The following ZDHHC15 variants were observed in gnomAD, a reference collection of about 807,000 sequenced individuals.
ZDHHC15 encodes the protein palmitoyltransferase ZDHHC15.
ZDHHC15 carries 19 observed loss-of-function variants against 31.7 expected under a neutral mutation model. The observed-to-expected ratio is 0.60, with a 90% CI of 0.42 to 0.88. The LOEUF (loss-of-function observed/expected upper bound fraction) is 0.88, where lower values mean the gene tolerates loss of function less well. Ranked by LOEUF, ZDHHC15 falls within the 40% of genes least tolerant of loss-of-function variation. The pLI, the probability that ZDHHC15 is intolerant of heterozygous loss-of-function variation, is 0.00. For missense variants in ZDHHC15, 209 were observed against 251.2 expected, an observed-to-expected ratio of 0.83 and a Z score of 1.14; for synonymous variants, 103 against 90.0, an observed-to-expected ratio of 1.14 and a Z score of -0.82.
intron 3 of ZDHHC15, among the ~76,000 whole-genome samples, chrX:75,457,268 A>C (rs2084238272): frequency 9.0e-6 from 1 of 110,514 alleles, no homozygotes; most frequent in African/African-American, 3.3e-5. Flanking sequence ...TCATGAGTTT[A>C]TTGGCCATTT....
At chrX:75,494,047 C>T (rs918902963) in intron 2 of ZDHHC15, among the ~76,000 whole-genome samples, 3 of 111,308 alleles carry the variant, frequency 2.7e-5, no homozygotes, top group Non-Finnish European at 3.8e-5. Flanking sequence ...TCATCTCAGG[C>T]CAAAATCTCC....
chrX:75,511,746 C>G (rs1369942250), intron 1 of ZDHHC15, among the ~76,000 whole-genome samples: 2 of 89,827 alleles, frequency 2.2e-5, no homozygotes, highest in African/African-American at 8.3e-5. Context: ...GAAACTATTC[C>G]AATCAATAGA....
At chrX:75,465,811 A>G (rs919794569) in intron 3 of ZDHHC15, among the ~76,000 whole-genome samples, 1 of 111,952 alleles carries the variant, frequency 8.9e-6, no homozygotes, top group Non-Finnish European at 1.9e-5. Context: ...GATGGATTAA[A>G]AGACTTAAGT....
intron 3 of ZDHHC15, among the ~76,000 whole-genome samples, chrX:75,473,559 T>C (rs973179003): frequency 9.0e-6 from 1 of 111,176 alleles, no homozygotes; most frequent in African/African-American, 3.3e-5. Flanking sequence ...CTCCTACCTT[T>C]AAGTCAACAA....
intron 10 of ZDHHC15, chrX:75,384,879 G>A (rs2083163664): frequency 2.0e-6 from 1 of 503,631 alleles, no homozygotes; most frequent in African/African-American, 2.4e-5. Context: ...AAAAAAGATG[G>A]TAAATAATTG....
intron 1 of ZDHHC15, among the ~76,000 whole-genome samples, chrX:75,510,008 G>A (rs1249789603): frequency 9.0e-6 from 1 of 111,396 alleles, no homozygotes. Context: ...GGTTAGGAGA[G>A]GGTAGAGTTT....
Position 75,368,741 on chromosome X carries a change from A to G in ZDHHC15, c.*4237T>C, listed in dbSNP as rs893009353. The G allele has an allele frequency of 2.7e-5, 3 of 111,130 alleles. No individual in the cohort carries two copies. Among genetic ancestry groups the G allele is most frequent in the East Asian group, 5.6e-4 (2 of 3,546 alleles). The allele number at this position is 111,130 out of a possible 1,213,427, so 9.2% of individuals were successfully genotyped here. On this transcript the variant is annotated 3_prime_UTR_variant, in exon 12 of 12. Transcript: ENST00000373367. ...TCTTATCTAATTTTTTTTTCCTTTA[A>G]TGCCATTCCCTACTAACAATCTATT...
rs182379212 is a variant in ZDHHC15, at chrX:75,370,407, A to G, written c.*2571T>C. 4.6e-4 allele frequency: 51 copies of G among 111,505 alleles called. No individual in the cohort carries two copies. The highest frequency in any genetic ancestry group is 1.5e-3 in the African/African-American group (45 of 30,688). The allele number at this position is 111,505 out of a possible 1,213,427, so 9.2% of individuals were successfully genotyped here. On this transcript the variant is annotated 3_prime_UTR_variant, in exon 12 of 12. Coordinates refer to ENST00000373367, the MANE Select transcript of ZDHHC15 (RefSeq NM_144969.3). ...CCTATGTACATTAGTCAATACTCAA[A>G]TGATCCATGGATAGGGATATTATCA...
At chrX:75,421,686 A>C (rs1225673740) in intron 9 of ZDHHC15, among the ~76,000 whole-genome samples, 178 bp downstream of exon 9, 1 of 105,648 alleles carries the variant, frequency 9.5e-6, no homozygotes, top group Non-Finnish European at 1.9e-5. Context: ...AAGCATGAGA[A>C]TATCTATTTT....
rs954917330 is a variant in ZDHHC15, at chrX:75,370,973, C to A, written c.*2005G>T. 4.5e-5 allele frequency: 5 copies of A among 111,748 alleles called. 1 individual carries two copies. The highest frequency in any genetic ancestry group is 1.6e-4 in the African/African-American group (5 of 30,723). 9.2% of individuals were successfully genotyped at this position (111,748 alleles called of 1,213,427 possible). On this transcript the variant is annotated 3_prime_UTR_variant, in exon 12 of 12. Transcript: ENST00000373367. ...TTTTGTGACTTGACTTCTGTGGGAGCTGAGTGCTGATACACCCTATGCATC... is the reference window on the plus strand; with the variant it reads ...TTTTGTGACTTGACTTCTGTGGGAGATGAGTGCTGATACACCCTATGCATC...
In ZDHHC15 at chrX:75,372,230, T is replaced by A. The variant is rs1338497387; in HGVS notation, c.*748A>T. ...CTTTAAAAAACACTGGTTATTATGT[T>A]CAATAAAGTTTATGTCCTGAATTTG... On this transcript the variant is annotated 3_prime_UTR_variant, in exon 12 of 12. Transcript: ENST00000373367. 8.9e-6 allele frequency: 1 copy of A among 112,166 alleles called. No homozygotes were observed. Among genetic ancestry groups the A allele is most frequent in the Non-Finnish European group, 1.9e-5 (1 of 53,227 alleles). 9.2% of individuals were successfully genotyped at this position (112,166 alleles called of 1,213,427 possible).
intron 2 of ZDHHC15, among the ~76,000 whole-genome samples, chrX:75,492,968 C>T (rs1289391189): frequency 5.4e-5 from 6 of 111,496 alleles, no homozygotes; most frequent in Non-Finnish European, 1.1e-4. Context: ...ACAAAAAAAT[C>T]CTTCAAAAAA....
chrX:75,463,583 C>CAACAACAACAACAACAACAACAAA, intron 3 of ZDHHC15, among the ~76,000 whole-genome samples: 1 of 109,522 alleles, frequency 9.1e-6, no homozygotes, highest in East Asian at 2.9e-4. Context: ...TTTACAACAA[C>CAACAACAACAACAACAACAACAAA]AACAACAACA....
chrX:75,450,672 G>A, intron 4 of ZDHHC15, 130 bp downstream of exon 4: 1 of 1,175,991 alleles, frequency 8.5e-7, no homozygotes, highest in Non-Finnish European at 1.1e-6. Flanking sequence ...AATAAAATGT[G>A]GAGAAAAATC....
intron 2 of ZDHHC15, among the ~76,000 whole-genome samples, chrX:75,500,281 A>C (rs1362547319): frequency 9.1e-6 from 1 of 109,754 alleles, no homozygotes; most frequent in East Asian, 2.8e-4. Context: ...AATAATAATA[A>C]TAATAATAAA....
At chrX:75,518,985 C>T (rs947118728) in intron 1 of ZDHHC15, among the ~76,000 whole-genome samples, 26 of 107,949 alleles carry the variant, frequency 2.4e-4, no homozygotes, top group Admixed American at 1.4e-3. Context: ...TTATATGGAA[C>T]ATCCATAATA....
intron 4 of ZDHHC15, among the ~76,000 whole-genome samples, chrX:75,448,529 G>GT (rs1182798869): frequency 1.8e-5 from 2 of 111,392 alleles, no homozygotes; most frequent in African/African-American, 6.5e-5. Context: ...ACTTTACATC[G>GT]TAACATTTAA....
chrX:75,381,018 C>T (rs753596199), intron 10 of ZDHHC15, among the ~76,000 whole-genome samples: 11 of 111,458 alleles, frequency 9.9e-5, no homozygotes, highest in South Asian at 3.8e-4. Flanking sequence ...AAGAACAGAG[C>T]AAATGACACA....
Position 75,508,923 on chromosome X carries a change from C to T in ZDHHC15, c.137-3076G>A, listed in dbSNP as rs762984699. Among the ~76,000 whole-genome samples, 122 of 110,487 alleles carry T rather than the reference C, an allele frequency of 1.1e-3. 1 individual carries two copies. The highest frequency in any genetic ancestry group is 1.9e-3 in the Non-Finnish European group (99 of 52,196). On this transcript the variant is annotated intron_variant, in intron 1 of 11. Coordinates refer to ENST00000373367, the MANE Select transcript of ZDHHC15 (RefSeq NM_144969.3). ...TGATGATGAGCATTTTTTCATGTGT[C>T]TTTTGGCTGCATAAATGTCTTCTTT...
Sources: allele counts gnomAD v4.1 joint callset (sites outside exome capture counted in the v4.1 genomes callset), GRCh38; gene constraint gnomAD v4.1.1; transcripts MANE v1.5; gene names NCBI Gene and HGNC (gene_info 2026-07-23, HGNC 2026-07-21).